NRP1: variants seen among roughly 807,000 people sequenced by gnomAD.
The protein encoded by NRP1 is neuropilin-1.
Under a neutral mutation model 106.7 loss-of-function variants are expected in NRP1, and 35 were observed. The observed-to-expected ratio is 0.33, with a 90% CI of 0.25 to 0.43. The LOEUF (loss-of-function observed/expected upper bound fraction) is 0.43, where lower values mean the gene tolerates loss of function less well. Among genes scored for constraint, NRP1 ranks in the 20% least tolerant of loss-of-function variants. The pLI, the probability that NRP1 is intolerant of heterozygous loss-of-function variation, is 1.00. For missense variants in NRP1, 1,024 were observed against 1,170.4 expected, an observed-to-expected ratio of 0.87 and a Z score of 1.83; for synonymous variants, 437 against 417.9, an observed-to-expected ratio of 1.05 and a Z score of -0.56.
chr10:33,326,927 C>T (rs547180841), intron 2 of NRP1, among the ~76,000 whole-genome samples: 1 of 152,090 alleles, frequency 6.6e-6, no homozygotes, highest in Non-Finnish European at 1.5e-5. Context: ...TGTTTTTTAC[C>T]TAATTATACA....
chr10:33,317,178 C>T (rs565879392), intron 2 of NRP1, among the ~76,000 whole-genome samples: 12 of 152,296 alleles, frequency 7.9e-5, no homozygotes, highest in African/African-American at 1.2e-4. Flanking sequence ...AATGAAGAAG[C>T]GTTGAGAGTG....
chr10:33,186,631 C>T, intron 13 of NRP1, 143 bp from the exon 14 acceptor site: 3 of 940,630 alleles, frequency 3.2e-6, no homozygotes, highest in East Asian at 2.6e-5. Context: ...TAAGTGTGCA[C>T]ACTTGGGGAC....
At chr10:33,209,424 A>T (rs1015027759) in intron 9 of NRP1, among the ~76,000 whole-genome samples, 1 of 152,076 alleles carries the variant, frequency 6.6e-6, no homozygotes. Flanking sequence ...GCCCTTAACC[A>T]CACCACGATG....
intron 3 of NRP1, among the ~76,000 whole-genome samples, chr10:33,269,704 T>G (rs188004018): frequency 7.1e-4 from 108 of 152,248 alleles, no homozygotes; most frequent in African/African-American, 2.6e-3. Context: ...TCCCCATCAC[T>G]GGCACTACCA....
chr10:33,241,541 G>A (rs564140097), intron 6 of NRP1, among the ~76,000 whole-genome samples: 12 of 152,032 alleles, frequency 7.9e-5, no homozygotes, highest in African/African-American at 7.3e-5. Flanking sequence ...CACTGGAACC[G>A]TTCTTAAAAC....
intron 15 of NRP1, 82 bp downstream of exon 15, chr10:33,185,546 G>T: frequency 9.4e-7 from 1 of 1,063,904 alleles, no homozygotes; most frequent in South Asian, 1.4e-5. Context: ...AGGTAGAAAT[G>T]AGCAAAACAA....
At chr10:33,211,749 A>G (rs551608777) in intron 9 of NRP1, 1 of 152,252 alleles carries the variant, frequency 6.6e-6, no homozygotes, top group South Asian at 2.1e-4. Context: ...TCACTATATT[A>G]AGCCATGTTC....
chr10:33,324,240 G>C (rs1405265129), intron 2 of NRP1, among the ~76,000 whole-genome samples: 2 of 152,146 alleles, frequency 1.3e-5, no homozygotes, highest in Non-Finnish European at 2.9e-5. Flanking sequence ...ATCTGCCTGA[G>C]TAATAACCAA....
At chr10:33,314,274 A>G (rs1432779937) in intron 2 of NRP1, among the ~76,000 whole-genome samples, 3 of 152,056 alleles carry the variant, frequency 2.0e-5, no homozygotes, top group Non-Finnish European at 4.4e-5. Flanking sequence ...GTTTTTATAG[A>G]GACGGTATTG....
chr10:33,217,307 C>T (rs2132853851), intron 8 of NRP1, among the ~76,000 whole-genome samples: 1 of 152,178 alleles, frequency 6.6e-6, no homozygotes, highest in South Asian at 2.1e-4. Context: ...TAGTGATGCC[C>T]TGTCCCCATT....
chr10:33,198,146 T>TA (rs1554776547), intron 11 of NRP1, among the ~76,000 whole-genome samples: 1 of 143,884 alleles, frequency 7.0e-6, no homozygotes, highest in South Asian at 2.2e-4. Context: ...ATTTTTAAAT[T>TA]TTTTTTTTTT....
chr10:33,240,561 T>A (rs1219661404), intron 6 of NRP1, among the ~76,000 whole-genome samples: 1 of 152,188 alleles, frequency 6.6e-6, no homozygotes, highest in Admixed American at 6.5e-5. Flanking sequence ...AGGGTGATGG[T>A]CTAAATCAGT....
At chr10:33,282,521 T>C (rs1844214229) in intron 2 of NRP1, among the ~76,000 whole-genome samples, 1 of 152,180 alleles carries the variant, frequency 6.6e-6, no homozygotes, top group Non-Finnish European at 1.5e-5. Context: ...GGCAAATTCT[T>C]ATTTTTTAAA....
chr10:33,241,564 C>T (rs1411311502), intron 6 of NRP1, among the ~76,000 whole-genome samples: 3 of 152,032 alleles, frequency 2.0e-5, no homozygotes, highest in Admixed American at 6.6e-5. Context: ...GGTTGGATAC[C>T]TCTATTTCAA....
chr10:33,257,003 C>A (rs1388484140), intron 4 of NRP1, among the ~76,000 whole-genome samples: 2 of 152,058 alleles, frequency 1.3e-5, no homozygotes, highest in African/African-American at 4.8e-5. Context: ...ATCTTTTAGC[C>A]CTGGATTCTT....
chr10:33,330,089 C>T lies in NRP1; in HGVS notation c.248+619G>A, dbSNP rs1848168416. Among the ~76,000 whole-genome samples, 4 of 152,314 alleles carry T rather than the reference C, an allele frequency of 2.6e-5. 1 individual carries two copies. In the South Asian group the frequency reaches 8.3e-4, roughly 32 times the overall value. ...GTATTTGAGTTCCCATTGTATTCAT[C>T]GTGTCTTAACAATTATTTTCTAGCA... is the stretch of plus-strand genomic sequence containing the variant. On this transcript the variant is annotated intron_variant, in intron 2 of 16. Coordinates refer to ENST00000374867, the MANE Select transcript of NRP1 (RefSeq NM_003873.7).
chr10:33,237,597 T>C (rs919851814), intron 6 of NRP1, among the ~76,000 whole-genome samples: 7 of 117,490 alleles, frequency 6.0e-5, no homozygotes, highest in African/African-American at 2.2e-4. Flanking sequence ...TTTTTTTTTT[T>C]GAGATGGAGT....
intron 3 of NRP1, 81 bp downstream of exon 3, chr10:33,270,594 T>G: frequency 6.3e-5 from 78 of 1,239,704 alleles, no homozygotes; most frequent in Non-Finnish European, 7.9e-5. Flanking sequence ...CCCAAAGTGC[T>G]GAGATTACAG....
chr10:33,195,845 A>G (rs1388027234), intron 12 of NRP1, among the ~76,000 whole-genome samples: 1 of 152,150 alleles, frequency 6.6e-6, no homozygotes, highest in Non-Finnish European at 1.5e-5. Context: ...CTCTGCACTG[A>G]CTGTGAAATG....
Sources: gnomAD v4.1 joint callset for allele counts (sites outside exome capture counted in the v4.1 genomes callset) on GRCh38, gnomAD v4.1.1 for gene constraint, MANE v1.5 for transcripts, NCBI Gene and HGNC (gene_info 2026-07-23, HGNC 2026-07-21) for gene names.